Variants in BAIAP2 observed in about 807,000 individuals in gnomAD.
The protein encoded by BAIAP2 is BAR/IMD domain-containing adapter protein 2.
Under a neutral mutation model 63.0 loss-of-function variants are expected in BAIAP2, and 18 were observed. The observed-to-expected ratio is 0.29, with a 90% CI of 0.20 to 0.42. BAIAP2 has a LOEUF of 0.42. Among genes scored for constraint, BAIAP2 ranks in the 10% least tolerant of loss-of-function variants. The pLI is 1.00. For missense variants in BAIAP2, 610 were observed against 734.3 expected (o/e 0.83, Z 1.96); for synonymous variants, 386 against 307.6 (o/e 1.25, Z -2.67).
intron 6 of BAIAP2, among the ~76,000 whole-genome samples, chr17:81,093,907 G>A (rs1182024275): frequency 6.6e-6 from 1 of 152,186 alleles, no homozygotes; most frequent in Non-Finnish European, 1.5e-5. Flanking sequence ...AAGCTCTTCA[G>A]GCTAAGGCTG....
chr17:81,039,006 A>T (rs903940358), intron 1 of BAIAP2, among the ~76,000 whole-genome samples: 9 of 152,066 alleles, frequency 5.9e-5, no homozygotes, highest in Non-Finnish European at 1.3e-4. Flanking sequence ...GCACACGTGC[A>T]TGCAGTGCTT....
Position 81,055,574 on chromosome 17 carries a change from G to GTTTTTTGTTTTTTTTTGTTT in BAIAP2, c.130+1837_130+1838insGTTTTTTTTTGTTTTTTTTT, listed in dbSNP as rs370775327. Among the ~76,000 whole-genome samples, 15 of 123,408 alleles carry GTTTTTTGTTTTTTTTTGTTT rather than the reference G, an allele frequency of 1.2e-4. 1 individual carries two copies. Among genetic ancestry groups the GTTTTTTGTTTTTTTTTGTTT allele is most frequent in the African/African-American group, 2.6e-4 (9 of 34,848 alleles). The allele number at this position is 123,408 out of a possible 152,430, so 81.0% of individuals were successfully genotyped here. A position where few individuals can be genotyped will look rare whatever the true frequency, so the allele number is the denominator to read the frequency against. On this transcript the variant is annotated intron_variant, in intron 2 of 13. Transcript: ENST00000428708. Reference sequence around the variant, plus strand: ...CCAGCGAAAGTCTGCAGGGTGTTTTGTTTTTTTTTGAGACGGAGTCTCACT... The same window carrying GTTTTTTGTTTTTTTTTGTTT: ...CCAGCGAAAGTCTGCAGGGTGTTTTGTTTTTTGTTTTTTTTTGTTTTTTTTTTTTGAGACGGAGTCTCACT...
At chr17:81,067,896 T>A (rs1265806751) in intron 3 of BAIAP2, among the ~76,000 whole-genome samples, 1 of 152,176 alleles carries the variant, frequency 6.6e-6, no homozygotes, top group Non-Finnish European at 1.5e-5. Context: ...TCACCAGTGC[T>A]CCCTAGGGAG....
At chr17:81,077,585 T>C (rs1281035262) in intron 3 of BAIAP2, among the ~76,000 whole-genome samples, 5 of 147,382 alleles carry the variant, frequency 3.4e-5, no homozygotes, top group Admixed American at 6.8e-5. Flanking sequence ...AAAGTAAAAA[T>C]GGTGAATTTT....
intron 13 of BAIAP2, among the ~76,000 whole-genome samples, chr17:81,115,132 G>A (rs992018488): frequency 3.3e-5 from 5 of 152,238 alleles, no homozygotes; most frequent in African/African-American, 9.6e-5. Context: ...TGCATCAGCT[G>A]TGGCCCCGGG....
At chr17:81,106,634 C>G in intron 11 of BAIAP2, 111 bp from the exon 12 acceptor site, 1 of 1,313,692 alleles carries the variant, frequency 7.6e-7, no homozygotes, top group Non-Finnish European at 1.1e-6. Flanking sequence ...GAGCAGCCTC[C>G]CCGCATGTGG....
Position 81,115,755 on chromosome 17 carries a change from G to GT in BAIAP2, c.1536-10dup, listed in dbSNP as rs1253295535. The GT allele has an allele frequency of 6.2e-7, 1 of 1,613,316 alleles. No individual in the cohort carries two copies. The highest frequency in any genetic ancestry group is 1.3e-5 in the African/African-American group (1 of 74,950). On this transcript the variant is annotated splice_polypyrimidine_tract_variant and intron_variant, in intron 13 of 13. Coordinates refer to ENST00000428708, the MANE Select transcript of BAIAP2 (RefSeq NM_001144888.2). ...CTTCCGCCCTAAAAATTAAAACCACGTTTTTCTCTTTCAGGAATCCCTTTG... is the reference window on the plus strand; with the variant it reads ...CTTCCGCCCTAAAAATTAAAACCACGTTTTTTCTCTTTCAGGAATCCCTTTG...
chr17:81,113,874 T>C (rs1402571302), intron 13 of BAIAP2, among the ~76,000 whole-genome samples: 2 of 152,042 alleles, frequency 1.3e-5, no homozygotes, highest in Non-Finnish European at 2.9e-5. Context: ...TCGGCTGTGA[T>C]TCGGGGCAGG....
intron 13 of BAIAP2, among the ~76,000 whole-genome samples, chr17:81,111,242 G>A (rs892450178): frequency 6.6e-6 from 1 of 152,240 alleles, no homozygotes; most frequent in African/African-American, 2.4e-5. Context: ...CCTTCTGTGT[G>A]GTCCTCTCCT....
chr17:81,068,496 G>A (rs1189472993), intron 3 of BAIAP2, among the ~76,000 whole-genome samples: 1 of 152,214 alleles, frequency 6.6e-6, no homozygotes, highest in African/African-American at 2.4e-5. Context: ...GGAGGGCAGC[G>A]ATGCAGGGCC....
chr17:81,058,841 CCTT>C (rs887709049), intron 3 of BAIAP2, among the ~76,000 whole-genome samples: 3 of 151,268 alleles, frequency 2.0e-5, no homozygotes, highest in Non-Finnish European at 2.9e-5. Context: ...GGCCCTGTTC[CCTT>C]CTTTCTACTT....
At chr17:81,073,504 A>G (rs1011020852) in intron 3 of BAIAP2, among the ~76,000 whole-genome samples, 14 of 152,178 alleles carry the variant, frequency 9.2e-5, no homozygotes, top group South Asian at 4.1e-4. Flanking sequence ...TCATCATGAA[A>G]TGCTGTTTAT....
intron 1 of BAIAP2, chr17:81,053,395 G>A (rs935503294): frequency 8.3e-6 from 4 of 482,582 alleles, no homozygotes; most frequent in Non-Finnish European, 1.5e-5. Flanking sequence ...ATGCAAATGC[G>A]CTCCTTCAGC....
Position 81,116,445 on chromosome 17 carries a change from C to A in BAIAP2, c.*606C>A, listed in dbSNP as rs1050838998. The A allele has an allele frequency of 8.6e-7, 1 of 1,165,914 alleles. No individual in the cohort carries two copies. The highest frequency in any genetic ancestry group is 1.2e-6 in the Non-Finnish European group (1 of 835,124). 72.2% of individuals were successfully genotyped at this position (1,165,914 alleles called of 1,614,324 possible). On this transcript the variant is annotated 3_prime_UTR_variant, in exon 14 of 14. Transcript: ENST00000428708. ...CAATGTCACAAGGGCCTCCCCAGGC[C>A]CCTCCTGCCTCGGGCAGGCCCCAGC...
Position 81,093,078 on chromosome 17 carries a change from C to CCTGGGCTGGGCTGGG in BAIAP2, c.489+6537_489+6551dup, listed in dbSNP as rs6146169. 7.5e-4 allele frequency among the ~76,000 whole-genome samples: 111 copies of CCTGGGCTGGGCTGGG among 147,494 alleles called. 1 individual carries two copies. Among genetic ancestry groups the CCTGGGCTGGGCTGGG allele is most frequent in the African/African-American group, 2.0e-3 (77 of 39,470 alleles). ...TGGGAGGCGAGTGGCCCACCCACTC[C>CCTGGGCTGGGCTGGG]CTGGGCTGGGCTGGGCTGGGCTGGG... On this transcript the variant is annotated intron_variant, in intron 6 of 13. Coordinates refer to ENST00000428708, the MANE Select transcript of BAIAP2 (RefSeq NM_001144888.2).
chr17:81,047,343 C>T (rs78729196), intron 1 of BAIAP2, among the ~76,000 whole-genome samples: 49 of 152,208 alleles, frequency 3.2e-4, no homozygotes, highest in African/African-American at 1.2e-3. Flanking sequence ...GACAGTGACT[C>T]TCATGGAGGG....
chr17:81,041,724 G>A (rs1271265900), intron 1 of BAIAP2, among the ~76,000 whole-genome samples: 5 of 152,130 alleles, frequency 3.3e-5, no homozygotes, highest in African/African-American at 4.8e-5. Context: ...ACAGGCATGC[G>A]CCACCACGCC....
intron 13 of BAIAP2, chr17:81,110,240 CAA>C (rs2059749160): frequency 1.2e-5 from 12 of 984,902 alleles, no homozygotes; most frequent in Non-Finnish European, 1.4e-5. Flanking sequence ...GGAAGCAGCT[CAA>C]GACGCGGACC....
At chr17:81,073,666 G>T (rs2053110633) in intron 3 of BAIAP2, among the ~76,000 whole-genome samples, 1 of 152,170 alleles carries the variant, frequency 6.6e-6, no homozygotes, top group Admixed American at 6.5e-5. Flanking sequence ...CCCTCCCCCA[G>T]TCTTTTTCAC....
Sources: gnomAD v4.1 joint callset for allele counts (sites outside exome capture counted in the v4.1 genomes callset) on GRCh38, gnomAD v4.1.1 for gene constraint, MANE v1.5 for transcripts, NCBI Gene and HGNC (gene_info 2026-07-23, HGNC 2026-07-21) for gene names.